The following TEKT1 variants were observed in gnomAD, a reference collection of about 807,000 sequenced individuals.
TEKT1 encodes tektin 1, also known as tektin-1.
TEKT1 carries 32 observed loss-of-function variants against 34.8 expected under a neutral mutation model. The ratio of observed to expected loss-of-function variants is 0.92; its 90% confidence interval spans 0.69 to 1.23. TEKT1 has a LOEUF of 1.23. TEKT1 is among the 50% of genes most tolerant of loss of function. TEKT1 has a pLI of 0.00. For synonymous variants in TEKT1, 207 were observed against 199.8 expected (o/e 1.04, Z -0.30); for missense variants, 492 against 518.5 (o/e 0.95, Z 0.50).
intron 2 of TEKT1, among the ~76,000 whole-genome samples, chr17:6,824,241 T>C (rs1399875403): frequency 2.0e-5 from 3 of 152,218 alleles, no homozygotes; most frequent in Non-Finnish European, 4.4e-5. Context: ...TCTTCTCTTT[T>C]GATACATTCT....
intron 2 of TEKT1, among the ~76,000 whole-genome samples, chr17:6,826,696 A>ATTTTT (rs1347403207): frequency 1.4e-5 from 2 of 144,596 alleles, no homozygotes; most frequent in African/African-American, 2.8e-5. Context: ...TGGGATTATT[A>ATTTTT]TTATTTTTTT....
rs151119701 is a variant in TEKT1 at position 6,822,619 on chromosome 17, C to T, written c.191-3261G>A. Among the ~76,000 whole-genome samples, 420 of 152,210 alleles carry T rather than the reference C, an allele frequency of 2.8e-3. 1 individual carries two copies. Among genetic ancestry groups the T allele is most frequent in the African/African-American group, 7.2e-3 (301 of 41,532 alleles). ...CTCTTATATTCTTAATTTCTAAGAA[C>T]GCTTGTTCTCCAAATGTTCTCTTTT... is the stretch of plus-strand genomic sequence containing the variant. On this transcript the variant is annotated intron_variant, in intron 2 of 7. Coordinates refer to ENST00000338694, the MANE Select transcript of TEKT1 (RefSeq NM_053285.2).
intron 4 of TEKT1, among the ~76,000 whole-genome samples, 197 bp from the exon 5 acceptor site, chr17:6,815,503 T>C (rs1188221400): frequency 3.1e-5 from 4 of 128,676 alleles, no homozygotes; most frequent in Non-Finnish European, 5.5e-5. Flanking sequence ...AATGTGGACT[T>C]GGAGATTCTC....
chr17:6,804,603 T>C (rs1221781934), intron 6 of TEKT1, among the ~76,000 whole-genome samples: 12 of 152,358 alleles, frequency 7.9e-5, no homozygotes, highest in Admixed American at 3.3e-4. Context: ...GGGTTTCTTA[T>C]AGATAGCTCT....
chr17:6,810,212 C>T (rs757107861), intron 6 of TEKT1, among the ~76,000 whole-genome samples: 13 of 152,110 alleles, frequency 8.5e-5, no homozygotes, highest in Non-Finnish European at 1.8e-4. Flanking sequence ...TTTGCAATTC[C>T]CTAATGACAT....
intron 1 of TEKT1, among the ~76,000 whole-genome samples, chr17:6,830,719 A>G (rs1479928516): frequency 1.3e-5 from 2 of 152,050 alleles, no homozygotes; most frequent in East Asian, 1.9e-4. Flanking sequence ...TTAGCTCAAC[A>G]TTATGTTTGT....
chr17:6,815,915 T>TC lies in TEKT1; in HGVS notation c.403dup (p.Glu135GlyfsTer7). 1 of 1,614,142 alleles carries TC rather than the reference T, an allele frequency of 6.2e-7. No homozygotes were observed. On this transcript the variant is annotated frameshift_variant, in exon 4 of 8. Coordinates refer to ENST00000338694, the MANE Select transcript of TEKT1 (RefSeq NM_053285.2). LOFTEE classifies it high-confidence loss of function. ...GATGATCTCAGCCTCCTTTATCAGC[T>TC]CATGCTCCACTGTGTCGTGCACCAG...
At chr17:6,807,002 T>C (rs2151583172) in intron 6 of TEKT1, among the ~76,000 whole-genome samples, 1 of 152,350 alleles carries the variant, frequency 6.6e-6, no homozygotes, top group African/African-American at 2.4e-5. Flanking sequence ...TTCCTGAATT[T>C]GAATGTTGGC....
At chr17:6,827,038 G>T (rs1904427681) in intron 2 of TEKT1, among the ~76,000 whole-genome samples, 1 of 152,086 alleles carries the variant, frequency 6.6e-6, no homozygotes, top group African/African-American at 2.4e-5. Context: ...GCAATTCATT[G>T]AAAAGGCTTT....
intron 6 of TEKT1, among the ~76,000 whole-genome samples, chr17:6,802,261 G>A (rs150513132): frequency 0.037 from 5,600 of 152,018 alleles, 141 homozygotes; most frequent in Middle Eastern, 0.14. Flanking sequence ...TCATAAGTCC[G>A]GTTCACAGAT....
At chr17:6,815,446 A>C (rs748538205) in intron 4 of TEKT1, 140 bp from the exon 5 acceptor site, 1 of 977,528 alleles carries the variant, frequency 1.0e-6, no homozygotes, top group African/African-American at 1.6e-5. Flanking sequence ...TCACCCCAAC[A>C]CTCATGCGTA....
rs550396323 is a variant in TEKT1, at chr17:6,800,706, T to C, written c.1049+41A>G. The stretch of plus-strand genomic sequence containing the variant: ...CCTCTGCTTGATATCCAGGTTGGGA[T>C]TGAGACCCGAAGGCCCTCTGCCCAC... On this transcript the variant is annotated intron_variant, in intron 7 of 7. Transcript: ENST00000338694. 1.8e-5 allele frequency: 29 copies of C among 1,577,962 alleles called. 1 individual carries two copies. The South Asian group carries it at 2.5e-4, about 13-fold the overall frequency.
chr17:6,800,854 A>T lies in TEKT1; in HGVS notation c.942T>A (p.His314Gln), dbSNP rs773086725. The change falls in exon 7 of 8, where the codon CAT (histidine) becomes CAA (glutamine). Residue 314 changes from histidine (H) to glutamine (Q), a missense_variant. By Grantham distance (24) the His-to-Gln change is conservative (BLOSUM62 0). Coordinates refer to ENST00000338694, the MANE Select transcript of TEKT1 (RefSeq NM_053285.2). The part of the protein sequence containing the change: ...LDQEGPAKVA[H>Q]TRLETRTHRP... ...GGTGTGTCCTGGTCTCCAAGCGCGT[A>T]TGAGCCACCTTGGCTGGCCCTTCTT... 1.9e-6 allele frequency: 3 copies of T among 1,614,164 alleles called. No individual in the cohort carries two copies. In the East Asian group the frequency reaches 6.7e-5, roughly 36 times the overall value.
At position 6,799,741 on chromosome 17, in the gene TEKT1, T is replaced by C. The variant is rs1346963854; in HGVS notation, c.*286A>G. 3.5e-6 allele frequency: 1 copy of C among 288,346 alleles called. No individual in the cohort carries two copies. The highest frequency in any genetic ancestry group is 2.2e-5 in the African/African-American group (1 of 45,864). 17.9% of individuals were successfully genotyped at this position (288,346 alleles called of 1,614,324 possible). ...GATCCAGCCCAACTACTTTATTGAA[T>C]TGAATCTGAACTGAAATGTCTTGAA... On this transcript the variant is annotated 3_prime_UTR_variant, in exon 8 of 8. Transcript: ENST00000338694.
chr17:6,803,326 T>G (rs1976801930), intron 6 of TEKT1, among the ~76,000 whole-genome samples: 1 of 152,282 alleles, frequency 6.6e-6, no homozygotes, highest in East Asian at 1.9e-4. Context: ...TTCTTGTAAA[T>G]TTGTTGGAGT....
chr17:6,823,181 G>A (rs527714008), intron 2 of TEKT1, among the ~76,000 whole-genome samples: 8 of 152,290 alleles, frequency 5.3e-5, no homozygotes, highest in Middle Eastern at 3.4e-3. Flanking sequence ...GAGTGAAGAG[G>A]AAGCTCTTTA....
rs570529137 is a variant in TEKT1 at position 6,817,315 on chromosome 17, C to T, written c.357-1353G>A. ...ATTTGAACCCGGGAGGTGGAGGTTT[C>T]GGTGGGCCGAGATTGCACCATTCCA... is the stretch of plus-strand genomic sequence containing the variant. On this transcript the variant is annotated intron_variant, in intron 3 of 7. Coordinates refer to ENST00000338694, the MANE Select transcript of TEKT1 (RefSeq NM_053285.2). Among the ~76,000 whole-genome samples the T allele has an allele frequency of 3.3e-5, 5 of 151,922 alleles. No individual in the cohort carries two copies. The East Asian group carries it at 9.7e-4, about 29-fold the overall frequency.
At chr17:6,814,531 CAGT>C (rs1223072971) in intron 5 of TEKT1, among the ~76,000 whole-genome samples, 1 of 152,138 alleles carries the variant, frequency 6.6e-6, no homozygotes, top group Admixed American at 6.5e-5. Flanking sequence ...CCAGTTATCT[CAGT>C]GGATGTAAAA....
intron 6 of TEKT1, among the ~76,000 whole-genome samples, chr17:6,801,580 C>T (rs553093734): frequency 2.8e-4 from 42 of 152,164 alleles, no homozygotes; most frequent in African/African-American, 8.2e-4. Context: ...TTGTGGCACA[C>T]ACCTGTAATC....
Sources: allele counts gnomAD v4.1 joint callset (sites outside exome capture counted in the v4.1 genomes callset), GRCh38; gene constraint gnomAD v4.1.1; transcripts MANE v1.5; gene names NCBI Gene and HGNC (gene_info 2026-07-23, HGNC 2026-07-21).